The following GRID1 variants were observed in gnomAD, a reference collection of about 807,000 sequenced individuals.
The protein encoded by GRID1 is glutamate receptor ionotropic, delta-1.
GRID1 carries 28 observed loss-of-function variants against 98.0 expected under a neutral mutation model. The observed-to-expected ratio is 0.29, with a 90% CI of 0.21 to 0.39. GRID1 has a LOEUF of 0.39. Among genes scored for constraint, GRID1 ranks in the 10% least tolerant of loss-of-function variants. GRID1 has a pLI of 1.00. For missense variants in GRID1, 1,111 were observed against 1,340.5 expected (o/e 0.83, Z 2.67); for synonymous variants, 553 against 538.5 (o/e 1.03, Z -0.37).
At chr10:86,057,077 C>T (rs182108710) in intron 4 of GRID1, among the ~76,000 whole-genome samples, 103 of 152,318 alleles carry the variant, frequency 6.8e-4, no homozygotes, top group Admixed American at 3.5e-3. Context: ...AAGACATGGT[C>T]CTGGCCCTCG....
intron 4 of GRID1, among the ~76,000 whole-genome samples, chr10:86,098,755 T>C (rs1844255338): frequency 6.6e-6 from 1 of 152,232 alleles, no homozygotes. Flanking sequence ...ACTGAAGTTT[T>C]AGTGGTTTTC....
At chr10:86,168,799 C>G (rs1163887907) in intron 3 of GRID1, among the ~76,000 whole-genome samples, 1 of 152,162 alleles carries the variant, frequency 6.6e-6, no homozygotes, top group African/African-American at 2.4e-5. Flanking sequence ...CCCACTTACC[C>G]TGGGGGACAG....
chr10:85,781,118 C>T (rs1842377416), intron 8 of GRID1, among the ~76,000 whole-genome samples: 1 of 152,142 alleles, frequency 6.6e-6, no homozygotes, highest in Non-Finnish European at 1.5e-5. Flanking sequence ...GCCTGATCTC[C>T]CCAACCAGAA....
At chr10:85,643,493 G>A (rs1307789404) in intron 13 of GRID1, among the ~76,000 whole-genome samples, 1 of 152,154 alleles carries the variant, frequency 6.6e-6, no homozygotes, top group Non-Finnish European at 1.5e-5. Flanking sequence ...TGGGGGCAGG[G>A]AGCAGAGGGG....
intron 4 of GRID1, among the ~76,000 whole-genome samples, chr10:85,947,765 C>T (rs1327877882): frequency 6.6e-6 from 1 of 152,240 alleles, no homozygotes; most frequent in East Asian, 1.9e-4. Flanking sequence ...GCCTTATTTC[C>T]TTCTGAAGGG....
intron 4 of GRID1, among the ~76,000 whole-genome samples, chr10:86,003,880 C>T (rs768118901): frequency 1.3e-5 from 2 of 152,124 alleles, no homozygotes; most frequent in Non-Finnish European, 2.9e-5. Context: ...AGCTAAGAAA[C>T]CTGCCAACTT....
At chr10:85,797,407 C>T (rs986624920) in intron 8 of GRID1, among the ~76,000 whole-genome samples, 3 of 151,696 alleles carry the variant, frequency 2.0e-5, no homozygotes, top group African/African-American at 7.3e-5. Context: ...TTATTTATTT[C>T]TGTACTTATT....
intron 4 of GRID1, among the ~76,000 whole-genome samples, chr10:86,019,267 T>C (rs1843018519): frequency 6.6e-6 from 1 of 152,212 alleles, no homozygotes; most frequent in Admixed American, 6.5e-5. Flanking sequence ...ACAATGCTTG[T>C]CCTCACACAG....
chr10:85,896,259 A>ATC (rs975345149), intron 5 of GRID1, among the ~76,000 whole-genome samples: 1 of 152,180 alleles, frequency 6.6e-6, no homozygotes, highest in African/African-American at 2.4e-5. Flanking sequence ...TATTAAAATG[A>ATC]TCTACCCAAT....
At chr10:85,970,695 A>G (rs1842396297) in intron 4 of GRID1, among the ~76,000 whole-genome samples, 1 of 152,114 alleles carries the variant, frequency 6.6e-6, no homozygotes. Flanking sequence ...GATAAAGGAC[A>G]TCTATGAAAC....
chr10:85,743,035 C>T (rs1841959919), intron 8 of GRID1, among the ~76,000 whole-genome samples: 2 of 150,212 alleles, frequency 1.3e-5, no homozygotes, highest in Non-Finnish European at 3.0e-5. Context: ...ACTCCCCGGC[C>T]CCCCACCAGT....
At chr10:86,227,722 G>C (rs1156253274) in intron 2 of GRID1, among the ~76,000 whole-genome samples, 1 of 152,040 alleles carries the variant, frequency 6.6e-6, no homozygotes, top group Non-Finnish European at 1.5e-5. Context: ...TCCCTGCTTG[G>C]TCCTCAGCAT....
At chr10:86,273,925 C>T (rs999540682) in intron 2 of GRID1, among the ~76,000 whole-genome samples, 12 of 151,632 alleles carry the variant, frequency 7.9e-5, no homozygotes, top group Admixed American at 1.3e-4. Context: ...AATTAGATCC[C>T]ATTTGTCAAT....
chr10:85,618,820 A>C (rs1031862941), intron 14 of GRID1, among the ~76,000 whole-genome samples: 2 of 151,936 alleles, frequency 1.3e-5, no homozygotes, highest in Non-Finnish European at 2.9e-5. Flanking sequence ...CCTGGATTCT[A>C]CTCCCAGCTC....
chr10:86,278,740 C>T (rs1261483531), intron 2 of GRID1, among the ~76,000 whole-genome samples: 1 of 152,146 alleles, frequency 6.6e-6, no homozygotes, highest in Admixed American at 6.6e-5. Flanking sequence ...GATAACCTGA[C>T]TAGCCTTATT....
intron 4 of GRID1, among the ~76,000 whole-genome samples, chr10:86,062,575 C>T (rs78911143): frequency 0.011 from 1,613 of 152,280 alleles, 28 homozygotes; most frequent in African/African-American, 0.037. Flanking sequence ...AGACAAATGC[C>T]TACCTTGCTG....
intron 2 of GRID1, among the ~76,000 whole-genome samples, chr10:86,231,566 C>T (rs187215786): frequency 2.2e-4 from 33 of 152,310 alleles, no homozygotes; most frequent in Middle Eastern, 3.4e-3. Flanking sequence ...AATGAGACAG[C>T]AAAAGCTTTG....
intron 5 of GRID1, among the ~76,000 whole-genome samples, chr10:85,900,249 G>C (rs1011557547): frequency 6.6e-6 from 1 of 152,168 alleles, no homozygotes; most frequent in Non-Finnish European, 1.5e-5. Flanking sequence ...GTACATGTGC[G>C]TGCAGGCGCG....
intron 5 of GRID1, among the ~76,000 whole-genome samples, chr10:85,903,319 T>C (rs1221734227): frequency 6.6e-6 from 1 of 152,142 alleles, no homozygotes; most frequent in Non-Finnish European, 1.5e-5. Context: ...AAATGAAAAC[T>C]CTAGAATCAT....
Sources: gnomAD v4.1 joint callset for allele counts (sites outside exome capture counted in the v4.1 genomes callset) on GRCh38, gnomAD v4.1.1 for gene constraint, MANE v1.5 for transcripts, NCBI Gene and HGNC (gene_info 2026-07-23, HGNC 2026-07-21) for gene names.